CACNG2: variants seen among roughly 807,000 people sequenced by gnomAD.
CACNG2 encodes the protein calcium voltage-gated channel auxiliary subunit gamma 2.
CACNG2 carries 3 observed loss-of-function variants against 25.9 expected under a neutral mutation model. That is an observed-to-expected ratio of 0.12 (90% confidence interval 0.05 to 0.30). The LOEUF is 0.30. CACNG2 is among the 10% of genes least tolerant of loss of function. The pLI is 1.00. For missense variants in CACNG2, 341 were observed against 432.5 expected (o/e 0.79, Z 1.88); for synonymous variants, 167 against 173.3 (o/e 0.96, Z 0.29).
chr22:36,648,666 A>G (rs937420653), intron 1 of CACNG2, among the ~76,000 whole-genome samples: 4 of 152,016 alleles, frequency 2.6e-5, no homozygotes, highest in African/African-American at 7.2e-5. Flanking sequence ...TACTCAACAA[A>G]TATTTCTTTA....
chr22:36,684,101 C>T (rs554485302), intron 1 of CACNG2, among the ~76,000 whole-genome samples: 2 of 152,242 alleles, frequency 1.3e-5, no homozygotes, highest in South Asian at 2.1e-4. Flanking sequence ...TTTCAAACCC[C>T]GTGGATGGTT....
At chr22:36,634,920 C>T (rs1569036167) in intron 1 of CACNG2, among the ~76,000 whole-genome samples, 2 of 152,100 alleles carry the variant, frequency 1.3e-5, no homozygotes, top group South Asian at 2.1e-4. Context: ...CTTTGGTTGG[C>T]CTGGTTAGGG....
At chr22:36,570,213 T>A (rs1056505634) in intron 2 of CACNG2, among the ~76,000 whole-genome samples, 1 of 152,002 alleles carries the variant, frequency 6.6e-6, no homozygotes, top group Non-Finnish European at 1.5e-5. Flanking sequence ...CTGGGATGCA[T>A]GCGTGTGGGC....
intron 1 of CACNG2, among the ~76,000 whole-genome samples, chr22:36,593,586 G>A (rs1029420572): frequency 6.6e-6 from 1 of 152,124 alleles, no homozygotes; most frequent in Non-Finnish European, 1.5e-5. Flanking sequence ...CAGAATGGGG[G>A]GATTCTGCTG....
intron 1 of CACNG2, among the ~76,000 whole-genome samples, chr22:36,629,327 G>A (rs574793532): frequency 6.6e-6 from 1 of 152,280 alleles, no homozygotes; most frequent in African/African-American, 2.4e-5. Context: ...CCTTCCCTGG[G>A]CAGGCTGTGA....
intron 2 of CACNG2, among the ~76,000 whole-genome samples, chr22:36,568,400 A>T (rs1935164249): frequency 6.6e-6 from 1 of 151,634 alleles, no homozygotes; most frequent in South Asian, 2.1e-4. Context: ...CTTTTTTAAA[A>T]TTTATTTTTA....
intron 1 of CACNG2, among the ~76,000 whole-genome samples, chr22:36,698,041 T>C (rs1050724988): frequency 2.6e-5 from 4 of 152,180 alleles, no homozygotes; most frequent in African/African-American, 9.7e-5. Flanking sequence ...AATTCACTTA[T>C]CTTATAATAG....
intron 1 of CACNG2, among the ~76,000 whole-genome samples, chr22:36,632,417 T>A (rs1936286056): frequency 6.6e-6 from 1 of 152,110 alleles, no homozygotes; most frequent in South Asian, 2.1e-4. Context: ...GGGAAATTCA[T>A]GTAAAGAAAC....
intron 1 of CACNG2, among the ~76,000 whole-genome samples, chr22:36,596,440 G>C (rs3788521): frequency 0.12 from 18,586 of 152,142 alleles, 1,318 homozygotes; most frequent in African/African-American, 0.18. Flanking sequence ...TCTCTCGTTC[G>C]TTCATTCATT....
At chr22:36,685,627 G>C (rs111327688) in intron 1 of CACNG2, among the ~76,000 whole-genome samples, 19 of 152,122 alleles carry the variant, frequency 1.2e-4, no homozygotes, top group South Asian at 2.1e-4. Flanking sequence ...TTCTCAAGCC[G>C]AGGACAGGCC....
chr22:36,587,731 G>A (rs1049385144), intron 1 of CACNG2, among the ~76,000 whole-genome samples, 183 bp from the exon 2 acceptor site: 6 of 152,188 alleles, frequency 3.9e-5, no homozygotes, highest in South Asian at 2.1e-4. Context: ...ACACACACCC[G>A]CAGTACTGCA....
At chr22:36,666,063 C>T (rs1936870700) in intron 1 of CACNG2, among the ~76,000 whole-genome samples, 1 of 152,108 alleles carries the variant, frequency 6.6e-6, no homozygotes, top group African/African-American at 2.4e-5. Context: ...ACGTGCTACA[C>T]CATGGATGAA....
chr22:36,611,341 C>G (rs1346304434), intron 1 of CACNG2, among the ~76,000 whole-genome samples: 1 of 152,124 alleles, frequency 6.6e-6, no homozygotes, highest in African/African-American at 2.4e-5. Flanking sequence ...AGCATGTGAC[C>G]ACAGAATGAT....
chr22:36,649,198 A>G, intron 1 of CACNG2, among the ~76,000 whole-genome samples: 1 of 152,146 alleles, frequency 6.6e-6, no homozygotes, highest in Admixed American at 6.5e-5. Flanking sequence ...CGGCAGCTCC[A>G]TCCTTCCAGA....
At chr22:36,604,615 C>T (rs577107974) in intron 1 of CACNG2, among the ~76,000 whole-genome samples, 9 of 152,318 alleles carry the variant, frequency 5.9e-5, no homozygotes, top group Non-Finnish European at 1.0e-4. Context: ...CAGCAGCTAT[C>T]AACATCGAGG....
intron 2 of CACNG2, among the ~76,000 whole-genome samples, chr22:36,582,250 G>A (rs1935429559): frequency 6.6e-6 from 1 of 152,110 alleles, no homozygotes; most frequent in Non-Finnish European, 1.5e-5. Context: ...AATTCTCGCT[G>A]CAACCCACAG....
intron 1 of CACNG2, among the ~76,000 whole-genome samples, chr22:36,663,983 A>T (rs1352660568): frequency 6.6e-6 from 1 of 152,224 alleles, no homozygotes; most frequent in African/African-American, 2.4e-5. Context: ...ATTAAGGAGC[A>T]CAACCAATAA....
At chr22:36,625,134 A>T (rs1321839814) in intron 1 of CACNG2, among the ~76,000 whole-genome samples, 1 of 151,936 alleles carries the variant, frequency 6.6e-6, no homozygotes, top group Non-Finnish European at 1.5e-5. Context: ...GGCATCTCTG[A>T]GGCTCCACCA....
At chr22:36,608,139 G>A (rs1252188720) in intron 1 of CACNG2, among the ~76,000 whole-genome samples, 1 of 152,154 alleles carries the variant, frequency 6.6e-6, no homozygotes, top group African/African-American at 2.4e-5. Context: ...CACTGGAGGG[G>A]TACCAACAGA....
Sources: gnomAD v4.1 joint callset for allele counts (sites outside exome capture counted in the v4.1 genomes callset) on GRCh38, gnomAD v4.1.1 for gene constraint, MANE v1.5 for transcripts, NCBI Gene and HGNC (gene_info 2026-07-23, HGNC 2026-07-21) for gene names.